Variants in DISC1 observed in about 807,000 individuals in gnomAD.
The protein encoded by DISC1 is disrupted in schizophrenia 1 protein.
DISC1 carries 57 observed loss-of-function variants against 84.5 expected under a neutral mutation model. The observed-to-expected ratio is 0.67, with a 90% CI of 0.55 to 0.84. DISC1 has a LOEUF of 0.84. Ranked by LOEUF, DISC1 falls within the 40% of genes least tolerant of loss-of-function variation. The pLI is 0.00. For missense variants in DISC1, 1,000 were observed against 1,057.8 expected, an observed-to-expected ratio of 0.95 and a Z score of 0.76; for synonymous variants, 411 against 415.2, an observed-to-expected ratio of 0.99 and a Z score of 0.12.
chr1:232,016,750 G>A (rs541476045), intron 11 of DISC1, among the ~76,000 whole-genome samples: 1 of 152,316 alleles, frequency 6.6e-6, no homozygotes, highest in East Asian at 1.9e-4. Flanking sequence ...CAAGCATGCA[G>A]ATACTTGAAG....
chr1:231,901,787 C>T (rs2088200537), intron 9 of DISC1, among the ~76,000 whole-genome samples: 1 of 151,950 alleles, frequency 6.6e-6, no homozygotes, highest in Admixed American at 6.6e-5. Flanking sequence ...CATAGGTTAT[C>T]TCCTGTTTAT....
rs1244478441 is a variant in DISC1 at position 232,037,802 on chromosome 1, G to C, written c.*971G>C. ...GTGAAGTACTCAGTAATACAGTACA[G>C]TATTCAGTAAGGCAGTGAAGTACTC... On this transcript the variant is annotated 3_prime_UTR_variant, in exon 13 of 13. Transcript: ENST00000439617. 1 of 151,826 alleles carries C rather than the reference G, an allele frequency of 6.6e-6. No individual in the cohort carries two copies. The highest frequency in any genetic ancestry group is 1.5e-5 in the Non-Finnish European group (1 of 68,064). The allele number at this position is 151,826 out of a possible 1,614,324, so 9.4% of individuals were successfully genotyped here.
rs1314861971 is a variant in DISC1 at position 232,031,214 on chromosome 1, G to A, written c.2425+4662G>A. ...GAGAGACAGAGAGAGAGGAAGGAAG[G>A]AAGGGAGAAAGAGAGAGAGAAAGAG... On this transcript the variant is annotated intron_variant, in intron 12 of 12. Coordinates refer to ENST00000439617, the MANE Select transcript of DISC1 (RefSeq NM_018662.3). The surrounding 1 kb of genome is among the most constrained non-coding windows in gnomAD (Gnocchi z 4.6). Among the ~76,000 whole-genome samples the A allele has an allele frequency of 1.4e-5, 2 of 142,118 alleles. No homozygotes were observed. The highest frequency in any genetic ancestry group is 5.2e-5 in the African/African-American group (2 of 38,570). The allele number at this position is 142,118 out of a possible 152,430, so 93.2% of individuals were successfully genotyped here. A position where few individuals can be genotyped will look rare whatever the true frequency, so the allele number is the denominator to read the frequency against.
chr1:231,828,786 C>T (rs1334112275), intron 9 of DISC1, among the ~76,000 whole-genome samples: 4 of 152,030 alleles, frequency 2.6e-5, no homozygotes, highest in African/African-American at 9.7e-5. Context: ...CTGTCCTTAA[C>T]CTTATAGGAC....
chr1:231,818,576 G>A (rs1246110934), intron 9 of DISC1, 59 bp downstream of exon 9: 2 of 1,606,580 alleles, frequency 1.2e-6, no homozygotes, highest in Non-Finnish European at 1.7e-6. Flanking sequence ...GTGTTTTGTG[G>A]CCAGGCAGAA....
At chr1:231,895,572 T>C (rs2087622530) in intron 9 of DISC1, among the ~76,000 whole-genome samples, 2 of 152,152 alleles carry the variant, frequency 1.3e-5, no homozygotes, top group Admixed American at 6.5e-5. Flanking sequence ...AAAAATTAAA[T>C]TATTGTTTTC....
At chr1:231,987,465 G>C (rs770775226) in intron 10 of DISC1, among the ~76,000 whole-genome samples, 2 of 152,240 alleles carry the variant, frequency 1.3e-5, no homozygotes, top group African/African-American at 2.4e-5. Context: ...GGCCTAATCT[G>C]ATCTTTTATA....
Position 231,771,269 on chromosome 1 carries a change from T to A in DISC1, c.1634+199T>A, listed in dbSNP as rs186952521. On this transcript the variant is annotated intron_variant, in intron 6 of 12. Transcript: ENST00000439617. ...GAACATTGCAAGTTATTTCACATCC[T>A]GGCCACTTAACCCACTAAATGCCAG... 2.2e-4 allele frequency: 220 copies of A among 984,758 alleles called. No homozygotes were observed. The African/African-American group carries it at 3.5e-3, about 16-fold the overall frequency. The allele number at this position is 984,758 out of a possible 1,614,324, so 61.0% of individuals were successfully genotyped here. A position where few individuals can be genotyped will look rare whatever the true frequency, so the allele number is the denominator to read the frequency against.
rs1422921110 is a variant in DISC1 at position 232,025,438 on chromosome 1, C to A, written c.2308-997C>A. 2.0e-5 allele frequency among the ~76,000 whole-genome samples: 3 copies of A among 151,904 alleles called. No homozygotes were observed. The South Asian group carries it at 6.2e-4, about 32-fold the overall frequency. ...TGACATAAAGAAGGCCCTTTTCTGG[C>A]TCATAGAAATAAGTTTGAAGGGAAA... On this transcript the variant is annotated intron_variant, in intron 11 of 12. Transcript: ENST00000439617.
rs75026165 is a variant in DISC1, at chr1:231,929,385, G to A, written c.1982-29443G>A. ...GGAAATCCTGTCCCTGAGTAGTCTTGTTCACAATACACAATCTCACAGCCA... is the reference window on the plus strand; with the variant it reads ...GGAAATCCTGTCCCTGAGTAGTCTTATTCACAATACACAATCTCACAGCCA... On this transcript the variant is annotated intron_variant, in intron 9 of 12. Coordinates refer to ENST00000439617, the MANE Select transcript of DISC1 (RefSeq NM_018662.3). Among the ~76,000 whole-genome samples, 1,153 of 152,236 alleles carry A rather than the reference G, an allele frequency of 7.6e-3. 4 individuals are homozygous for A. The highest frequency in any genetic ancestry group is 0.014 in the Middle Eastern group (4 of 294).
chr1:231,998,443 G>A (rs143512562), intron 10 of DISC1, among the ~76,000 whole-genome samples: 142 of 152,220 alleles, frequency 9.3e-4, no homozygotes, highest in African/African-American at 3.2e-3. Flanking sequence ...AAGGTGATGG[G>A]CATACCTCAA....
intron 3 of DISC1, among the ~76,000 whole-genome samples, chr1:231,748,396 A>C (rs2074242382): frequency 6.6e-6 from 1 of 152,198 alleles, no homozygotes; most frequent in South Asian, 2.1e-4. Flanking sequence ...CATTTATTAC[A>C]TTGAGGTACT....
At chr1:231,690,729 C>G (rs1460105455) in intron 1 of DISC1, among the ~76,000 whole-genome samples, 2 of 152,116 alleles carry the variant, frequency 1.3e-5, no homozygotes, top group African/African-American at 4.8e-5. Flanking sequence ...GGAGTTTTTC[C>G]TACAGATTTC....
intron 9 of DISC1, among the ~76,000 whole-genome samples, chr1:231,922,018 A>G (rs984868818): frequency 2.6e-5 from 4 of 152,152 alleles, no homozygotes; most frequent in Non-Finnish European, 5.9e-5. Context: ...AAAGCCAGTT[A>G]GTGGATAATT....
At chr1:231,716,316 CAAAAAAA>C (rs397861600) in intron 3 of DISC1, among the ~76,000 whole-genome samples, 7 of 82,758 alleles carry the variant, frequency 8.5e-5, no homozygotes, top group African/African-American at 1.4e-4. Flanking sequence ...TTTCAATCTG[CAAAAAAA>C]AAAAAAAAAA....
At chr1:231,684,067 G>GAC (rs1311025596) in intron 1 of DISC1, among the ~76,000 whole-genome samples, 1 of 152,034 alleles carries the variant, frequency 6.6e-6, no homozygotes, top group African/African-American at 2.4e-5. Context: ...TCTGCTTGTT[G>GAC]ACATGTCTGT....
chr1:231,740,387 C>T (rs2073087629), intron 3 of DISC1, among the ~76,000 whole-genome samples: 1 of 152,150 alleles, frequency 6.6e-6, no homozygotes, highest in African/African-American at 2.4e-5. Flanking sequence ...AAAGCCGTTG[C>T]CCGGATCTGG....
chr1:231,755,397 T>C (rs1446759625), intron 4 of DISC1, among the ~76,000 whole-genome samples: 1 of 152,008 alleles, frequency 6.6e-6, no homozygotes, highest in East Asian at 1.9e-4. Context: ...TCCTCTCTTC[T>C]CACTTTGTAT....
intron 9 of DISC1, among the ~76,000 whole-genome samples, chr1:231,929,117 A>G (rs2090507955): frequency 1.3e-5 from 2 of 151,848 alleles, no homozygotes. Context: ...ATCCTTGTTA[A>G]TTTTCTGTCT....
Sources: allele counts gnomAD v4.1 joint callset (sites outside exome capture counted in the v4.1 genomes callset), GRCh38; gene constraint gnomAD v4.1.1; non-coding constraint Gnocchi (gnomAD v3.1); transcripts MANE v1.5; gene names NCBI Gene and HGNC (gene_info 2026-07-23, HGNC 2026-07-21).